MID1: variants seen among roughly 807,000 people sequenced by gnomAD.
The protein encoded by MID1 is midline 1.
Under a neutral mutation model 40.4 loss-of-function variants are expected in MID1, and 7 were observed. The ratio of observed to expected loss-of-function variants is 0.17; its 90% CI spans 0.10 to 0.33. The LOEUF is 0.33. Ranked by LOEUF, MID1 falls within the 10% of genes least tolerant of loss-of-function variation. The probability of loss-of-function intolerance (pLI) is 1.00; values close to 1 mark genes in which losing one functional copy is unlikely to be tolerated. For synonymous variants in MID1, 229 were observed against 221.2 expected (o/e 1.04, Z -0.31); for missense variants, 367 against 558.5 (o/e 0.66, Z 3.46).
chrX:10,606,298 T>C (rs1189795500), intron 1 of MID1, among the ~76,000 whole-genome samples: 2 of 111,214 alleles, frequency 1.8e-5, no homozygotes, highest in African/African-American at 3.3e-5. Flanking sequence ...AATATATTTA[T>C]ATACCAAATG....
chrX:10,500,442 G>A (rs1414901159), intron 3 of MID1, among the ~76,000 whole-genome samples: 1 of 111,960 alleles, frequency 8.9e-6, no homozygotes, highest in Non-Finnish European at 1.9e-5. Context: ...GTTGAATCTT[G>A]TTTTCTACTT....
At chrX:10,742,527 GT>G (rs2043529941) in intron 1 of MID1, among the ~76,000 whole-genome samples, 1 of 112,144 alleles carries the variant, frequency 8.9e-6, no homozygotes, top group African/African-American at 3.2e-5. Flanking sequence ...TCTTATTATG[GT>G]TTTTCTTTGT....
At chrX:10,790,278 G>A (rs1259884520) in intron 1 of MID1, among the ~76,000 whole-genome samples, 1 of 109,594 alleles carries the variant, frequency 9.1e-6, no homozygotes, top group African/African-American at 3.3e-5. Context: ...CCAAGTAGCT[G>A]GGACTATGGG....
chrX:10,793,530 C>T (rs1205758929), intron 1 of MID1, among the ~76,000 whole-genome samples: 1 of 112,187 alleles, frequency 8.9e-6, no homozygotes, highest in African/African-American at 3.2e-5. Context: ...GCCATAGCCT[C>T]CCAACTGGTC....
chrX:10,615,759 AT>A (rs1935827677), intron 1 of MID1, among the ~76,000 whole-genome samples: 1 of 111,834 alleles, frequency 8.9e-6, no homozygotes, highest in Non-Finnish European at 1.9e-5. Context: ...GTTTAAAGAA[AT>A]TTTTATAACA....
Position 10,449,579 on chromosome X carries a change from G to A in MID1, c.1793C>T (p.Ala598Val), listed in dbSNP as rs369262421. ...GATGCCCACGCGCCGGAGGTGGGGG[G>A]CAGGCTCAATGGGGATTTCCTTGCT... The part of the protein sequence containing the change: ...HNSKEIPIEP[A>V]PHLRRVGILL... The change falls in exon 10 of 10, where the codon GCC becomes GTC. Residue 598 changes from alanine (A) to valine (V), a missense_variant. Physicochemically the swap from Ala to Val is moderately conservative, Grantham distance 64 (BLOSUM62 0). Coordinates refer to ENST00000317552, the MANE Select transcript of MID1 (RefSeq NM_000381.4). 3.5e-5 allele frequency: 42 copies of A among 1,210,053 alleles called. No homozygotes were observed. In the African/African-American group the frequency reaches 5.1e-4, roughly 15 times the overall value.
intron 1 of MID1, among the ~76,000 whole-genome samples, chrX:10,786,170 C>T (rs1176300247): frequency 8.9e-6 from 1 of 112,052 alleles, no homozygotes; most frequent in Non-Finnish European, 1.9e-5. Context: ...TATGAACAGA[C>T]ACTTCTCAAA....
intron 8 of MID1, among the ~76,000 whole-genome samples, chrX:10,456,761 C>T (rs111749721): frequency 0.029 from 3,205 of 111,482 alleles, 100 homozygotes; most frequent in African/African-American, 0.099. Context: ...CACTTGAACC[C>T]GGGAGGCGGA....
rs777149623 is a variant in MID1, at chrX:10,567,161, G to A, written c.387C>T (p.Asp129=). The change falls in exon 2 of 10, where the codon GAC becomes GAT. Residue 129 remains aspartate, a synonymous_variant. Coordinates refer to ENST00000317552, the MANE Select transcript of MID1 (RefSeq NM_000381.4). ...CQFCDQDPAQ[D]AVKTCVTCEV... is the part of the protein sequence containing the mutation. Reference sequence around the variant, plus strand: ...CACAAGTGACACAGGTCTTCACAGCGTCCTGGGCAGGATCCTGGTCACAAA... The same window carrying A: ...CACAAGTGACACAGGTCTTCACAGCATCCTGGGCAGGATCCTGGTCACAAA... The A allele has an allele frequency of 2.2e-5, 27 of 1,209,316 alleles. No individual in the cohort carries two copies. The highest frequency in any genetic ancestry group is 4.4e-5 in the Admixed American group (2 of 45,735).
upstream of MID1, among the ~76,000 whole-genome samples, chrX:10,623,305 AGAAGGAAGGAAG>A (rs201219943): frequency 3.8e-4 from 38 of 100,878 alleles, no homozygotes; most frequent in Middle Eastern, 9.9e-3. Flanking sequence ...AGAGAAAGAA[AGAAGGAAGGAAG>A]GAAGGAAGGA....
At chrX:10,831,573 T>G (rs1300719184) in intron 1 of MID1, among the ~76,000 whole-genome samples, 1 of 111,712 alleles carries the variant, frequency 9.0e-6, no homozygotes, top group Non-Finnish European at 1.9e-5. Context: ...GGAAAAACTT[T>G]AATCTTTAAG....
At chrX:10,579,500 G>A (rs769694631) in intron 1 of MID1, among the ~76,000 whole-genome samples, 6 of 111,876 alleles carry the variant, frequency 5.4e-5, no homozygotes, top group Non-Finnish European at 1.1e-4. Context: ...TACTAGTCTC[G>A]TGACTCATGG....
At chrX:10,796,137 C>A (rs986700011) in intron 1 of MID1, among the ~76,000 whole-genome samples, 1 of 111,965 alleles carries the variant, frequency 8.9e-6, no homozygotes, top group African/African-American at 3.2e-5. Context: ...AAAGTTTGTT[C>A]TTCATAAACT....
At chrX:10,829,494 C>T (rs774051422) in intron 1 of MID1, among the ~76,000 whole-genome samples, 2 of 111,797 alleles carry the variant, frequency 1.8e-5, no homozygotes, top group East Asian at 5.6e-4. Context: ...CCCCAAAGCA[C>T]AGCAATCCAT....
chrX:10,632,883 CATAG>C lies in MID1; in HGVS notation c.-186-12468_-186-12465del, dbSNP rs1198223960. Among the ~76,000 whole-genome samples, 3 of 110,932 alleles carry C rather than the reference CATAG, an allele frequency of 2.7e-5. No individual in the cohort carries two copies. The Admixed American group carries it at 2.9e-4, about 11-fold the overall frequency. ...TATGTGAAATTAAAATTTCAGTGCC[CATAG>C]ATAAAGTTTTATTGGAATGCAGCCA... is the stretch of plus-strand genomic sequence containing the variant. On this transcript the variant is annotated intron_variant, in intron 1 of 10. Transcript: ENST00000380785.
intron 1 of MID1, among the ~76,000 whole-genome samples, chrX:10,785,803 T>A (rs1193696317): frequency 8.9e-6 from 1 of 112,053 alleles, no homozygotes; most frequent in African/African-American, 3.3e-5. Flanking sequence ...TTACGCCTTA[T>A]ACAAAAATTA....
chrX:10,640,701 A>C (rs1236347438), intron 1 of MID1, among the ~76,000 whole-genome samples: 1 of 111,356 alleles, frequency 9.0e-6, no homozygotes, highest in Non-Finnish European at 1.9e-5. Context: ...CCCCAAATCA[A>C]CAGAATATAC....
At chrX:10,585,969 T>C (rs1175374937) in intron 1 of MID1, among the ~76,000 whole-genome samples, 5 of 111,488 alleles carry the variant, frequency 4.5e-5, no homozygotes, top group Non-Finnish European at 9.4e-5. Flanking sequence ...ACACTTTACT[T>C]GTATCGTTTA....
chrX:10,738,792 A>C (rs2043503284), intron 1 of MID1, among the ~76,000 whole-genome samples: 2 of 110,375 alleles, frequency 1.8e-5, no homozygotes, highest in African/African-American at 6.6e-5. Context: ...CCTATATTTT[A>C]TCTGGCAGAC....
Sources: gnomAD v4.1 joint callset for allele counts (sites outside exome capture counted in the v4.1 genomes callset) on GRCh38, gnomAD v4.1.1 for gene constraint, MANE v1.5 for transcripts, NCBI Gene and HGNC (gene_info 2026-07-23, HGNC 2026-07-21) for gene names.